The following IPO11 variants were observed in gnomAD, a reference collection of about 807,000 sequenced individuals.
IPO11 encodes the protein importin-11.
A neutral mutation model predicts 143.2 loss-of-function variants in IPO11; 66 were observed. The ratio of observed to expected loss-of-function variants is 0.46; its 90% CI spans 0.38 to 0.57. The LOEUF is 0.57. Ranked by LOEUF, IPO11 falls within the 20% of genes least tolerant of loss-of-function variation. IPO11 has a pLI of 0.00. For synonymous variants in IPO11, 385 were observed against 377.8 expected (o/e 1.02, Z -0.22); for missense variants, 1,026 against 1,141.0 (o/e 0.90, Z 1.45).
intron 3 of IPO11, 48 bp downstream of exon 3, chr5:62,443,131 T>C: frequency 8.4e-7 from 1 of 1,194,798 alleles, no homozygotes; most frequent in African/African-American, 1.5e-5. Context: ...CCTTCCCAAA[T>C]TCAGGAAGGT....
Position 62,484,071 on chromosome 5 carries a change from T to G in IPO11, c.1083T>G (p.Thr361=). ...KIKMAFFTYP[T]LTEICRRLVS... ...AGATGGCATTCTTCACATATCCTAC[T>G]TTGACAGAGATATGTAGAAGATTAG... is the stretch of plus-strand genomic sequence containing the variant. The change falls in exon 11 of 30, where the codon ACT becomes ACG. Residue 361 remains threonine (T), a synonymous_variant. Coordinates refer to ENST00000325324, the MANE Select transcript of IPO11 (RefSeq NM_016338.5). 6.2e-7 allele frequency: 1 copy of G among 1,609,668 alleles called. No homozygotes were observed. Among genetic ancestry groups the G allele is most frequent in the Non-Finnish European group, 8.5e-7 (1 of 1,178,020 alleles).
At chr5:62,441,911 T>C (rs1164629709) in intron 2 of IPO11, among the ~76,000 whole-genome samples, 1 of 151,766 alleles carries the variant, frequency 6.6e-6, no homozygotes, top group Admixed American at 6.6e-5. Context: ...AGTGGCGCGA[T>C]CTCGGCTTAC....
chr5:62,592,538 T>C (rs896251104), intron 28 of IPO11, among the ~76,000 whole-genome samples: 2 of 152,210 alleles, frequency 1.3e-5, no homozygotes, highest in African/African-American at 4.8e-5. Context: ...CAGGTTTTTT[T>C]CTTTTTAAGT....
intron 26 of IPO11, among the ~76,000 whole-genome samples, chr5:62,559,907 ACT>A (rs1743709864): frequency 7.6e-6 from 1 of 131,098 alleles, no homozygotes; most frequent in African/African-American, 2.9e-5. Flanking sequence ...CAAGACTGAA[ACT>A]CTGTCTCAAA....
At chr5:62,577,782 A>G (rs892216762) in intron 27 of IPO11, among the ~76,000 whole-genome samples, 3 of 152,116 alleles carry the variant, frequency 2.0e-5, no homozygotes, top group Admixed American at 6.6e-5. Flanking sequence ...GACATAATTC[A>G]TATTATTTCT....
intron 12 of IPO11, 115 bp downstream of exon 12, chr5:62,485,577 C>T: frequency 1.2e-6 from 1 of 831,896 alleles, no homozygotes; most frequent in Non-Finnish European, 1.9e-6. Context: ...TGGTGGCTCA[C>T]ACTTTAATCC....
intron 1 of IPO11, among the ~76,000 whole-genome samples, chr5:62,419,388 A>C (rs920127544): frequency 2.6e-5 from 4 of 152,182 alleles, no homozygotes; most frequent in African/African-American, 9.6e-5. Context: ...TTTAGTTTAT[A>C]AACTTTTTGT....
At chr5:62,481,015 A>G (rs973521770) in intron 9 of IPO11, among the ~76,000 whole-genome samples, 8 of 138,580 alleles carry the variant, frequency 5.8e-5, no homozygotes, top group Non-Finnish European at 9.0e-5. Flanking sequence ...TCCTGGGTTC[A>G]CACCATTCTC....
intron 11 of IPO11, 90 bp downstream of exon 11, chr5:62,484,252 A>C: frequency 9.4e-7 from 1 of 1,060,094 alleles, no homozygotes; most frequent in East Asian, 2.9e-5. Context: ...GTATTTTCAT[A>C]CAGCACTTTT....
chr5:62,541,706 GTATTT>G (rs1437361733), intron 24 of IPO11, among the ~76,000 whole-genome samples: 1 of 151,572 alleles, frequency 6.6e-6, no homozygotes, highest in Non-Finnish European at 1.5e-5. Context: ...AAAATTAATT[GTATTT>G]TATTTTATTT....
At chr5:62,489,502 T>A (rs542046997) in intron 14 of IPO11, among the ~76,000 whole-genome samples, 153 bp downstream of exon 14, 1 of 152,350 alleles carries the variant, frequency 6.6e-6, no homozygotes, top group South Asian at 2.1e-4. Context: ...AAACAGATAA[T>A]GTATTATAAT....
chr5:62,575,059 G>A (rs1185459778), intron 27 of IPO11, among the ~76,000 whole-genome samples: 4 of 152,286 alleles, frequency 2.6e-5, no homozygotes, highest in Admixed American at 1.3e-4. Context: ...GCCATGTTAT[G>A]GCAGCACAAT....
At chr5:62,513,172 C>T (rs1442566356) in intron 19 of IPO11, among the ~76,000 whole-genome samples, 7 of 150,488 alleles carry the variant, frequency 4.7e-5, no homozygotes, top group African/African-American at 7.3e-5. Context: ...CGGGCAGAGG[C>T]GCCCCTCAGC....
intron 27 of IPO11, among the ~76,000 whole-genome samples, chr5:62,591,190 AC>A (rs1258056718): frequency 1.3e-5 from 2 of 152,124 alleles, no homozygotes; most frequent in African/African-American, 4.8e-5. Flanking sequence ...TACTTGTTTT[AC>A]AAATATTTTC....
intron 15 of IPO11, among the ~76,000 whole-genome samples, chr5:62,493,749 A>C (rs1419202952): frequency 1.3e-5 from 2 of 152,046 alleles, no homozygotes; most frequent in Non-Finnish European, 2.9e-5. Flanking sequence ...TTGTATTTTT[A>C]GTAGAGATGG....
intron 27 of IPO11, among the ~76,000 whole-genome samples, chr5:62,591,370 A>G (rs998556949): frequency 2.0e-5 from 3 of 152,200 alleles, no homozygotes; most frequent in Non-Finnish European, 4.4e-5. Context: ...TCCATCTAGT[A>G]TTTAAACATA....
rs1746551909 is a variant in IPO11 at position 62,490,155 on chromosome 5, C to T, written c.1398C>T (p.Asp466=). 1 of 1,605,568 alleles carries T rather than the reference C, an allele frequency of 6.2e-7. No individual in the cohort carries two copies. The highest frequency in any genetic ancestry group is 1.3e-5 in the African/African-American group (1 of 74,650). Reference sequence around the variant, plus strand: ...GATTAGCTGCTTATGAGCTCTTTGACAGTGTTGATTTTGATCAGTGGTTTA... The same window carrying T: ...GATTAGCTGCTTATGAGCTCTTTGATAGTGTTGATTTTGATCAGTGGTTTA... ...AVGLAAYELF[D]SVDFDQWFKN... Residue 466 remains aspartate (D), a synonymous_variant, in exon 15 of 30, where the codon GAC becomes GAT. Coordinates refer to ENST00000325324, the MANE Select transcript of IPO11 (RefSeq NM_016338.5).
chr5:62,443,472 TGA>T (rs1303905277), intron 3 of IPO11, among the ~76,000 whole-genome samples: 7 of 151,472 alleles, frequency 4.6e-5, no homozygotes, highest in African/African-American at 7.3e-5. Context: ...AGGATCATGC[TGA>T]GTCAGTCATG....
chr5:62,589,326 A>T (rs1428552165), intron 27 of IPO11, among the ~76,000 whole-genome samples: 1 of 152,074 alleles, frequency 6.6e-6, no homozygotes, highest in Non-Finnish European at 1.5e-5. Context: ...ACTTTTGGTG[A>T]TGTTGGTCAC....
Sources: gnomAD v4.1 joint callset for allele counts (sites outside exome capture counted in the v4.1 genomes callset) on GRCh38, gnomAD v4.1.1 for gene constraint, MANE v1.5 for transcripts, NCBI Gene and HGNC (gene_info 2026-07-23, HGNC 2026-07-21) for gene names.